TM2D1: variants seen among roughly 807,000 people sequenced by gnomAD.
TM2D1 encodes TM2 domain containing 1.
TM2D1 carries 15 observed loss-of-function variants against 28.4 expected under a neutral mutation model. The ratio of observed to expected loss-of-function variants is 0.53; its 90% CI spans 0.35 to 0.81. TM2D1 has a LOEUF of 0.81. Among genes scored for constraint, TM2D1 ranks in the 40% least tolerant of loss-of-function variants. The probability of loss-of-function intolerance (pLI) is 0.01; values close to 1 mark genes in which losing one functional copy is unlikely to be tolerated. For synonymous variants in TM2D1, 93 were observed against 96.2 expected (o/e 0.97, Z 0.20); for missense variants, 236 against 254.9 (o/e 0.93, Z 0.50).
intron 5 of TM2D1, among the ~76,000 whole-genome samples, chr1:61,684,724 T>G (rs1382027802): frequency 6.6e-6 from 1 of 152,186 alleles, no homozygotes. Flanking sequence ...AATTTTTAAA[T>G]ATTTTAATTT....
rs1644352225 is a variant in TM2D1, at chr1:61,694,773, A to C, written c.440-3T>G. 2 of 1,588,388 alleles carry C rather than the reference A, an allele frequency of 1.3e-6. No homozygotes were observed. Among genetic ancestry groups the C allele is most frequent in the Admixed American group, 3.6e-5 (2 of 55,676 alleles). On this transcript the variant is annotated splice_polypyrimidine_tract_variant and splice_region_variant and intron_variant, in intron 4 of 6. Transcript: ENST00000606498. ...TACAGTGCAAAACTTTAACAAACCT[A>C]GAAAAGAAGGTAAAGTCATTTATAA... is the stretch of plus-strand genomic sequence containing the variant.
rs536484190 is a variant in TM2D1, at chr1:61,712,886, A to C, written c.239-3449T>G. On this transcript the variant is annotated intron_variant, in intron 2 of 6. Transcript: ENST00000606498. ...ATTTTAGGAAAGAGTGCACACTTAAAAGCTGAGAATTGGCTGGGCACAGTG... is the reference window on the plus strand; with the variant it reads ...ATTTTAGGAAAGAGTGCACACTTAACAGCTGAGAATTGGCTGGGCACAGTG... 2.0e-5 allele frequency among the ~76,000 whole-genome samples: 3 copies of C among 152,036 alleles called. No homozygotes were observed. In the South Asian group the frequency reaches 6.3e-4, roughly 32 times the overall value.
chr1:61,721,925 T>C (rs544545464), intron 2 of TM2D1, among the ~76,000 whole-genome samples: 2 of 106,938 alleles, frequency 1.9e-5, no homozygotes, highest in African/African-American at 7.4e-5. Flanking sequence ...GGCTGGACAA[T>C]ATAGGGAGAC....
intron 3 of TM2D1, 81 bp downstream of exon 3, chr1:61,709,248 T>C: frequency 1.2e-6 from 1 of 848,782 alleles, no homozygotes; most frequent in South Asian, 1.5e-5. Context: ...ATAGTCCCCA[T>C]AAATTATCTC....
chr1:61,714,642 C>A (rs1030974336), intron 2 of TM2D1, among the ~76,000 whole-genome samples: 2 of 152,168 alleles, frequency 1.3e-5, no homozygotes, highest in Non-Finnish European at 2.9e-5. Flanking sequence ...GCAGCCTCAA[C>A]CCCCTGGGCT....
intron 4 of TM2D1, among the ~76,000 whole-genome samples, chr1:61,696,763 G>T (rs1335878195): frequency 2.6e-5 from 4 of 151,792 alleles, no homozygotes; most frequent in African/African-American, 7.3e-5. Flanking sequence ...CCCTATCCCT[G>T]CCCCATAACC....
At chr1:61,707,579 GA>G (rs953266028) in intron 3 of TM2D1, among the ~76,000 whole-genome samples, 1 of 149,958 alleles carries the variant, frequency 6.7e-6, no homozygotes. Flanking sequence ...CCCTGTAATG[GA>G]AAAAAAAAGA....
At chr1:61,706,874 T>C (rs1054498218) in intron 3 of TM2D1, among the ~76,000 whole-genome samples, 2 of 98,036 alleles carry the variant, frequency 2.0e-5, no homozygotes, top group African/African-American at 5.5e-5. Context: ...AATAGTAAAC[T>C]TTATTGTAAG....
At chr1:61,712,781 C>T (rs1267823981) in intron 2 of TM2D1, among the ~76,000 whole-genome samples, 1 of 152,182 alleles carries the variant, frequency 6.6e-6, no homozygotes, top group Non-Finnish European at 1.5e-5. Context: ...CTAAACACCA[C>T]AGCAATTTCA....
At position 61,700,935 on chromosome 1, in the gene TM2D1, C is replaced by A. The variant is rs763380009; in HGVS notation, c.438G>T (p.Leu146Phe). 6.2e-7 allele frequency: 1 copy of A among 1,605,054 alleles called. No homozygotes were observed. The highest frequency in any genetic ancestry group is 8.5e-7 in the Non-Finnish European group (1 of 1,176,538). ...ADRFYLGYPA[L>F]GLLKFCTVGF... ...TTTTTTTTAATGAAACATACGCACCCAAAGCAGGGTATCCAAGGTAAAATC... is the reference window on the plus strand; with the variant it reads ...TTTTTTTTAATGAAACATACGCACCAAAAGCAGGGTATCCAAGGTAAAATC... The change falls in exon 4 of 7, where the codon TTG becomes TTT. Residue 146 changes from leucine (L) to phenylalanine (F), a missense_variant and splice_region_variant. By Grantham distance (22) the Leu-to-Phe change is conservative. Transcript: ENST00000606498.
Position 61,683,544 on chromosome 1 carries a change from A to T in TM2D1, c.516T>A (p.Ile172=). ...AACTACTTCCATCTGAAGGTCCAAC[A>T]ATCTAGAAGAGACAAAATTTCAAAA... ...LIDFILISMQ[I]VGPSDGSSYI... The change falls in exon 6 of 7, where the codon ATT becomes ATA. Residue 172 remains isoleucine (I), a splice_region_variant and synonymous_variant. Coordinates refer to ENST00000606498, the MANE Select transcript of TM2D1 (RefSeq NM_032027.3). The T allele has an allele frequency of 7.0e-7, 1 of 1,423,298 alleles. No homozygotes were observed. The highest frequency in any genetic ancestry group is 2.7e-5 in the Admixed American group (1 of 36,852). 88.2% of individuals were successfully genotyped at this position (1,423,298 alleles called of 1,614,324 possible). A position where few individuals can be genotyped will look rare whatever the true frequency, so the allele number is the denominator to read the frequency against.
chr1:61,683,280 T>G, intron 6 of TM2D1, 137 bp downstream of exon 6: 1 of 339,846 alleles, frequency 2.9e-6, no homozygotes, highest in Non-Finnish European at 5.3e-6. Flanking sequence ...TTTCAAAGGA[T>G]TGGAGATGTT....
In TM2D1 at chr1:61,721,050, C is replaced by T. The variant is rs186558833; in HGVS notation, c.238+2663G>A. On this transcript the variant is annotated intron_variant, in intron 2 of 6. Coordinates refer to ENST00000606498, the MANE Select transcript of TM2D1 (RefSeq NM_032027.3). ...GCCTAGGCAACATGGTACATCCCAT[C>T]GCTACTCACCCCTCCAAAAAAATAC... Among the ~76,000 whole-genome samples the T allele has an allele frequency of 1.3e-4, 19 of 151,732 alleles. No homozygotes were observed. In the East Asian group the frequency reaches 2.3e-3, roughly 19 times the overall value.
At chr1:61,683,687 G>C (rs1052628087) in intron 5 of TM2D1, 141 bp from the exon 6 acceptor site, 1 of 487,708 alleles carries the variant, frequency 2.1e-6, no homozygotes, top group Non-Finnish European at 3.6e-6. Flanking sequence ...AGGTAATTTA[G>C]TGGCTCATGT....
At chr1:61,690,528 A>T (rs1014036341) in intron 5 of TM2D1, among the ~76,000 whole-genome samples, 8 of 151,608 alleles carry the variant, frequency 5.3e-5, no homozygotes, top group Non-Finnish European at 8.8e-5. Context: ...GTATTTTGTT[A>T]TAGCCCCAAA....
At position 61,693,547 on chromosome 1, in the gene TM2D1, T is replaced by TA. The variant is rs540800740; in HGVS notation, c.513+1149dup. Among the ~76,000 whole-genome samples the TA allele has an allele frequency of 5.7e-3, 861 of 152,300 alleles. 11 individuals are homozygous for TA. The highest frequency in any genetic ancestry group is 0.019 in the African/African-American group (808 of 41,566). On this transcript the variant is annotated intron_variant, in intron 5 of 6. Transcript: ENST00000606498. ...CATGCCTGCTTGCCTGTCCCACAGT[T>TA]AGAGAAGGCAGGATATTTGGTTAGG...
intron 1 of TM2D1, chr1:61,724,335 A>C (rs1644589628): frequency 6.6e-6 from 1 of 152,640 alleles, no homozygotes; most frequent in Admixed American, 6.5e-5. Context: ...CAGGAGGCTG[A>C]GGCAGGAGAA....
intron 2 of TM2D1, among the ~76,000 whole-genome samples, chr1:61,718,295 A>T (rs892802691): frequency 6.6e-6 from 1 of 152,156 alleles, no homozygotes; most frequent in Non-Finnish European, 1.5e-5. Flanking sequence ...ATCTCCAAAA[A>T]AAAAAAAGAG....
At chr1:61,718,809 C>T (rs1570129709) in intron 2 of TM2D1, among the ~76,000 whole-genome samples, 1 of 152,034 alleles carries the variant, frequency 6.6e-6, no homozygotes, top group East Asian at 1.9e-4. Context: ...TAAAGGGAGG[C>T]TGTAGTCATC....
Sources: gnomAD v4.1 joint callset for allele counts (sites outside exome capture counted in the v4.1 genomes callset) on GRCh38, gnomAD v4.1.1 for gene constraint, MANE v1.5 for transcripts, NCBI Gene and HGNC (gene_info 2026-07-23, HGNC 2026-07-21) for gene names.